The following ADAMTS16 variants were observed in gnomAD, a reference collection of about 807,000 sequenced individuals.
ADAMTS16 encodes the protein ADAM metallopeptidase with thrombospondin type 1 motif 16, also known as A disintegrin and metalloproteinase with thrombospondin motifs 16.
In ADAMTS16, 94 loss-of-function variants were observed where a neutral mutation model predicts 145.8. The ratio of observed to expected loss-of-function variants is 0.64; its 90% confidence interval spans 0.55 to 0.77. The LOEUF (loss-of-function observed/expected upper bound fraction) is 0.77, where lower values mean the gene tolerates loss of function less well. ADAMTS16 is among the 30% of genes least tolerant of loss of function. ADAMTS16 has a pLI of 0.00. For missense variants in ADAMTS16, 1,585 were observed against 1,591.5 expected, an observed-to-expected ratio of 1.00 and a Z score of 0.07; for synonymous variants, 659 against 604.3, an observed-to-expected ratio of 1.09 and a Z score of -1.33.
At chr5:5,158,012 C>T (rs1331969318) in intron 3 of ADAMTS16, among the ~76,000 whole-genome samples, 1 of 152,188 alleles carries the variant, frequency 6.6e-6, no homozygotes, top group African/African-American at 2.4e-5. Flanking sequence ...CATCCCATTC[C>T]TTCTGGTTAA....
chr5:5,179,750 A>T (rs2126556243), intron 3 of ADAMTS16, among the ~76,000 whole-genome samples: 1 of 152,174 alleles, frequency 6.6e-6, no homozygotes, highest in Non-Finnish European at 1.5e-5. Flanking sequence ...AAATTCTAAG[A>T]ATTTCACTTT....
At chr5:5,208,697 A>T (rs1444381617) in intron 9 of ADAMTS16, among the ~76,000 whole-genome samples, 1 of 152,214 alleles carries the variant, frequency 6.6e-6, no homozygotes, top group African/African-American at 2.4e-5. Flanking sequence ...AGTCTTTGAA[A>T]TAGAGTATGT....
chr5:5,310,383 G>A lies in ADAMTS16; in HGVS notation c.3411+3655G>A, dbSNP rs1311265903. Among the ~76,000 whole-genome samples the A allele has an allele frequency of 6.6e-6, 1 of 152,146 alleles. No homozygotes were observed. Among genetic ancestry groups the A allele is most frequent in the Non-Finnish European group, 1.5e-5 (1 of 68,046 alleles). On this transcript the variant is annotated intron_variant, in intron 21 of 22. Coordinates refer to ENST00000274181, the MANE Select transcript of ADAMTS16 (RefSeq NM_139056.4). This position sits in a 1 kb window ranked among gnomAD's most constrained non-coding sequence, Gnocchi z 4.3. ...CCCCACACTGTGTCTCATTGGCAGC[G>A]TCCTGCGCTGAGTAATGTCTCCAAA...
At chr5:5,255,651 A>G (rs1737755062) in intron 17 of ADAMTS16, among the ~76,000 whole-genome samples, 1 of 152,230 alleles carries the variant, frequency 6.6e-6, no homozygotes, top group African/African-American at 2.4e-5. Context: ...GCCTCTGATT[A>G]GTGGGATCTA....
At chr5:5,186,884 T>C (rs532483778) in intron 5 of ADAMTS16, among the ~76,000 whole-genome samples, 4 of 152,318 alleles carry the variant, frequency 2.6e-5, no homozygotes, top group Admixed American at 2.6e-4. Flanking sequence ...TTAATGACAA[T>C]ATTTTAAAAG....
At chr5:5,152,519 G>A (rs1040775352) in intron 3 of ADAMTS16, among the ~76,000 whole-genome samples, 3 of 152,212 alleles carry the variant, frequency 2.0e-5, no homozygotes, top group Non-Finnish European at 2.9e-5. Flanking sequence ...ATATGGAACT[G>A]AAGGAATTTC....
Position 5,146,204 on chromosome 5 carries a change from C to T in ADAMTS16, c.250C>T (p.Arg84Trp), listed in dbSNP as rs775795761. 5 of 1,614,040 alleles carry T rather than the reference C, an allele frequency of 3.1e-6. No individual in the cohort carries two copies. Among genetic ancestry groups the T allele is most frequent in the Non-Finnish European group, 4.2e-6 (5 of 1,180,032 alleles). ...YVSHEIMHHQ[R>W]RRRAVPVSEV... is the part of the protein sequence containing the mutation. ...GTCCCATGAAATCATGCACCATCAG[C>T]GGCGGAGAAGAGCAGTGCCCGTGTC... Residue 84 changes from arginine to tryptophan, a missense_variant, in exon 3 of 23, where the codon CGG becomes TGG. Around this residue, in one of 3 missense-constraint regions of ADAMTS16, gnomAD observed 453 missense variants for 412.1 expected, o/e 1.10. Coordinates refer to ENST00000274181, the MANE Select transcript of ADAMTS16 (RefSeq NM_139056.4).
At chr5:5,229,822 A>AC (rs1471945964) in intron 11 of ADAMTS16, among the ~76,000 whole-genome samples, 4 of 152,196 alleles carry the variant, frequency 2.6e-5, no homozygotes, top group African/African-American at 9.7e-5. Context: ...CAGTCATGAA[A>AC]AAGAAAAAAG....
chr5:5,247,958 G>T (rs533857175), intron 17 of ADAMTS16, among the ~76,000 whole-genome samples: 23 of 152,312 alleles, frequency 1.5e-4, no homozygotes, highest in Non-Finnish European at 3.1e-4. Flanking sequence ...AATTTGGACT[G>T]CATCCAGGAA....
At chr5:5,210,367 T>C (rs759814193) in intron 10 of ADAMTS16, among the ~76,000 whole-genome samples, 15 of 152,178 alleles carry the variant, frequency 9.9e-5, no homozygotes, top group Admixed American at 6.6e-5. Context: ...ACATAGGCAA[T>C]GAAAAGTTAG....
rs577577716 is a variant in ADAMTS16 at position 5,209,388 on chromosome 5, G to C, written c.1605+142G>C. 10 of 981,532 alleles carry C rather than the reference G, an allele frequency of 1.0e-5. No homozygotes were observed. The African/African-American group carries it at 1.3e-4, about 13-fold the overall frequency. The allele number at this position is 981,532 out of a possible 1,614,324, so 60.8% of individuals were successfully genotyped here. Reference sequence around the variant, plus strand: ...TATGTTAAGGCTGGTCCTGTATAACGGGAAACACATGTTTCACTGGCAAAG... The same window carrying C: ...TATGTTAAGGCTGGTCCTGTATAACCGGAAACACATGTTTCACTGGCAAAG... On this transcript the variant is annotated intron_variant, in intron 10 of 22. Coordinates refer to ENST00000274181, the MANE Select transcript of ADAMTS16 (RefSeq NM_139056.4).
chr5:5,188,673 G>A lies in ADAMTS16; in HGVS notation c.1047+865G>A, dbSNP rs140298674. On this transcript the variant is annotated intron_variant, in intron 6 of 22. Coordinates refer to ENST00000274181, the MANE Select transcript of ADAMTS16 (RefSeq NM_139056.4). ...ACAAAGAATTTTTTAGATGAAACCC[G>A]AGATCATTCATAAGATCTAAGATGC... Among the ~76,000 whole-genome samples the A allele has an allele frequency of 2.4e-3, 372 of 152,242 alleles. 3 individuals carry two copies. Among genetic ancestry groups the A allele is most frequent in the African/African-American group, 8.5e-3 (355 of 41,542 alleles).
intron 11 of ADAMTS16, among the ~76,000 whole-genome samples, chr5:5,226,819 A>G (rs1450633222): frequency 6.6e-6 from 1 of 152,194 alleles, no homozygotes; most frequent in Non-Finnish European, 1.5e-5. Flanking sequence ...AAACAGCCCT[A>G]CAGGTGAGCC....
rs758672464 is a variant in ADAMTS16, at chr5:5,319,075, G to A, written c.3612G>A (p.Gly1204=). The A allele has an allele frequency of 2.5e-6, 4 of 1,613,520 alleles. No homozygotes were observed. The African/African-American group carries it at 5.3e-5, about 22-fold the overall frequency. ...FHWCYLVPQH[G]MCSHKFYGKQ... is the part of the protein sequence containing the mutation. ...GGTGCTACCTGGTACCCCAGCACGG[G>A]ATGTGCAGCCACAAGTTCTACGGCA... Residue 1204 remains glycine (G), a synonymous_variant, in exon 23 of 23, where the codon GGG becomes GGA. Transcript: ENST00000274181.
rs145541744 is a variant in ADAMTS16, at chr5:5,225,981, G to A, written c.1701+3097G>A. Among the ~76,000 whole-genome samples, 514 of 145,830 alleles carry A rather than the reference G, an allele frequency of 3.5e-3. 1 individual carries two copies. Among genetic ancestry groups the A allele is most frequent in the African/African-American group, 0.012 (494 of 40,276 alleles). On this transcript the variant is annotated intron_variant, in intron 11 of 22. Coordinates refer to ENST00000274181, the MANE Select transcript of ADAMTS16 (RefSeq NM_139056.4). ...GAGCTCTGTTTTAGGGTAAAGATTT[G>A]GGGGCCCACAAAGAACTTCCTTGTG...
intron 18 of ADAMTS16, among the ~76,000 whole-genome samples, chr5:5,276,783 G>T (rs192867293): frequency 6.6e-6 from 1 of 152,118 alleles, no homozygotes; most frequent in East Asian, 1.9e-4. Flanking sequence ...AACTGGCCCC[G>T]GAAAGAGAAC....
At chr5:5,258,170 G>T (rs1436923516) in intron 17 of ADAMTS16, among the ~76,000 whole-genome samples, 1 of 152,116 alleles carries the variant, frequency 6.6e-6, no homozygotes, top group East Asian at 1.9e-4. Flanking sequence ...TGAATCATCC[G>T]CCGTTAGTGA....
chr5:5,275,268 T>A lies in ADAMTS16; in HGVS notation c.2789+12485T>A, dbSNP rs1738643393. Among the ~76,000 whole-genome samples, 3 of 152,212 alleles carry A rather than the reference T, an allele frequency of 2.0e-5. No homozygotes were observed. In the South Asian group the frequency reaches 6.2e-4, roughly 32 times the overall value. On this transcript the variant is annotated intron_variant, in intron 18 of 22. Coordinates refer to ENST00000274181, the MANE Select transcript of ADAMTS16 (RefSeq NM_139056.4). Reference sequence around the variant, plus strand: ...TGTATGGAAGCTTCAGGGTACATTTTTTTCTGTTATTTAAAGTGTTCTTAT... The same window carrying A: ...TGTATGGAAGCTTCAGGGTACATTTATTTCTGTTATTTAAAGTGTTCTTAT...
chr5:5,239,851 G>A lies in ADAMTS16; in HGVS notation c.2449G>A (p.Asp817Asn), dbSNP rs754871314. 38 of 1,613,888 alleles carry A rather than the reference G, an allele frequency of 2.4e-5. No homozygotes were observed. In the Middle Eastern group the frequency reaches 6.6e-4, roughly 28 times the overall value. The change falls in exon 16 of 23, where the codon GAC (aspartate) becomes AAC (asparagine). Residue 817 changes from aspartate (D) to asparagine (N), a missense_variant. Asp to Asn is a conservative substitution (Grantham distance 23). Transcript: ENST00000274181. ...GTACAAATTTTCGGGCACTACTTTC[G>A]ACTACAGACGGTCCTATAATGAGCC... is the stretch of plus-strand genomic sequence containing the variant. ...GRYKFSGTTF[D>N]YRRSYNEPEN...
Sources: gnomAD v4.1 joint callset for allele counts (sites outside exome capture counted in the v4.1 genomes callset) on GRCh38, gnomAD v4.1.1 for gene constraint, gnomAD v4.1.1 regional missense constraint, Gnocchi (gnomAD v3.1) non-coding constraint, MANE v1.5 for transcripts, NCBI Gene and HGNC (gene_info 2026-07-23, HGNC 2026-07-21) for gene names.